Variants in SHISA6 observed in about 807,000 individuals in gnomAD.
SHISA6 encodes protein shisa-6.
SHISA6 carries 22 observed loss-of-function variants against 47.9 expected under a neutral mutation model. The ratio of observed to expected loss-of-function variants is 0.46; its 90% CI spans 0.33 to 0.66. The LOEUF (loss-of-function observed/expected upper bound fraction) is 0.66, where lower values mean the gene tolerates loss of function less well. SHISA6 is among the 30% of genes least tolerant of loss of function. The probability of loss-of-function intolerance (pLI) is 0.02; values close to 1 mark genes in which losing one functional copy is unlikely to be tolerated. For missense variants in SHISA6, 680 were observed against 764.6 expected, an observed-to-expected ratio of 0.89 and a Z score of 1.30; for synonymous variants, 388 against 337.8, an observed-to-expected ratio of 1.15 and a Z score of -1.63.
intron 5 of SHISA6, among the ~76,000 whole-genome samples, 157 bp downstream of exon 5, chr17:11,556,049 G>GCTTTTGTTCCTTATGGACTGAGCCCATT (rs1443967093): frequency 1.3e-5 from 2 of 152,140 alleles, no homozygotes; most frequent in Non-Finnish European, 2.9e-5. Flanking sequence ...CAAGCTCTTT[G>GCTTTTGTTCCTTATGGACTGAGCCCATT]CTTTTGTTCC....
intron 3 of SHISA6, among the ~76,000 whole-genome samples, chr17:11,540,224 C>T (rs1208473457): frequency 6.6e-6 from 1 of 152,174 alleles, no homozygotes; most frequent in Non-Finnish European, 1.5e-5. Context: ...GACTCTCCAC[C>T]CTTCTCAGTG....
At chr17:11,369,939 G>T (rs759600463) in intron 2 of SHISA6, among the ~76,000 whole-genome samples, 9 of 152,202 alleles carry the variant, frequency 5.9e-5, no homozygotes, top group Non-Finnish European at 1.3e-4. Context: ...TGTGCCCAGG[G>T]CTGGGAAATC....
intron 3 of SHISA6, among the ~76,000 whole-genome samples, chr17:11,471,859 C>A (rs745660340): frequency 6.6e-6 from 1 of 152,120 alleles, no homozygotes; most frequent in Non-Finnish European, 1.5e-5. Flanking sequence ...CTTCTACCCC[C>A]ACACATGCAT....
intron 1 of SHISA6, among the ~76,000 whole-genome samples, chr17:11,250,809 C>G (rs1907772269): frequency 6.6e-6 from 1 of 151,906 alleles, no homozygotes; most frequent in Admixed American, 6.6e-5. Context: ...TTACACAACC[C>G]CATCACTCAT....
intron 2 of SHISA6, among the ~76,000 whole-genome samples, chr17:11,294,624 G>A (rs1386027999): frequency 6.6e-6 from 1 of 152,068 alleles, no homozygotes; most frequent in East Asian, 1.9e-4. Context: ...GTTGATAACA[G>A]ATGAAACTAA....
chr17:11,423,547 G>T (rs1914520596), intron 3 of SHISA6, among the ~76,000 whole-genome samples: 1 of 151,514 alleles, frequency 6.6e-6, no homozygotes, highest in Non-Finnish European at 1.5e-5. Context: ...TATCATAAAA[G>T]AAATAATAAA....
At chr17:11,261,718 CTT>C in intron 1 of SHISA6, among the ~76,000 whole-genome samples, 1 of 152,270 alleles carries the variant, frequency 6.6e-6, no homozygotes, top group East Asian at 1.9e-4. Flanking sequence ...AGTTGATGGA[CTT>C]TTGGGTTGTA....
Position 11,241,770 on chromosome 17 carries a change from C to T in SHISA6, c.348C>T (p.Gly116=), listed in dbSNP as rs1158331052. 1 of 1,549,118 alleles carries T rather than the reference C, an allele frequency of 6.5e-7. No homozygotes were observed. Among genetic ancestry groups the T allele is most frequent in the Non-Finnish European group, 8.7e-7 (1 of 1,146,978 alleles). ...KEFECNNSES[G]YLYCCGTCYY... is the part of the protein sequence containing the mutation. ...TCGAGTGTAACAACAGCGAGAGCGGCTACCTGTACTGCTGCGGTACCTGCT... is the reference window on the plus strand; with the variant it reads ...TCGAGTGTAACAACAGCGAGAGCGGTTACCTGTACTGCTGCGGTACCTGCT... The change falls in exon 1 of 6, where the codon GGC becomes GGT. Residue 116 remains glycine, a synonymous_variant. Transcript: ENST00000441885. The surrounding 1 kb of genome is among the most constrained non-coding windows in gnomAD (Gnocchi z 5.5).
intron 2 of SHISA6, among the ~76,000 whole-genome samples, chr17:11,266,824 T>C (rs1908441966): frequency 1.3e-5 from 2 of 152,216 alleles, no homozygotes. Flanking sequence ...CAAGCCTTCC[T>C]GTGGTTGGCT....
chr17:11,376,311 G>GT (rs1016149109), intron 2 of SHISA6, among the ~76,000 whole-genome samples: 44 of 107,578 alleles, frequency 4.1e-4, no homozygotes, highest in East Asian at 2.4e-3. Context: ...GGGGCTTCAT[G>GT]TTTTTTTTTG....
chr17:11,484,739 C>T (rs918739717), intron 3 of SHISA6, among the ~76,000 whole-genome samples: 1 of 152,048 alleles, frequency 6.6e-6, no homozygotes, highest in African/African-American at 2.4e-5. Context: ...GAGAAAATTT[C>T]TAGGAAACTA....
intron 2 of SHISA6, among the ~76,000 whole-genome samples, chr17:11,311,061 T>C (rs1309085187): frequency 7.2e-6 from 1 of 138,202 alleles, no homozygotes; most frequent in Non-Finnish European, 1.5e-5. Context: ...GAGCTGAGAT[T>C]GCGCCACTGT....
At chr17:11,530,012 C>T (rs895177448) in intron 3 of SHISA6, among the ~76,000 whole-genome samples, 1 of 151,672 alleles carries the variant, frequency 6.6e-6, no homozygotes, top group Non-Finnish European at 1.5e-5. Context: ...TCCCCCAAAA[C>T]AAACAAAAAA....
At chr17:11,254,479 G>A (rs922000562) in intron 1 of SHISA6, among the ~76,000 whole-genome samples, 3 of 152,220 alleles carry the variant, frequency 2.0e-5, no homozygotes, top group African/African-American at 7.2e-5. Flanking sequence ...TTGTGAGGAT[G>A]CTGCTTTTAG....
intron 3 of SHISA6, among the ~76,000 whole-genome samples, chr17:11,441,835 G>T (rs554169931): frequency 6.6e-6 from 1 of 152,084 alleles, no homozygotes; most frequent in Non-Finnish European, 1.5e-5. Flanking sequence ...CTGACCCAGC[G>T]CTGCGAACTA....
chr17:11,443,045 T>C (rs896400132), intron 3 of SHISA6, among the ~76,000 whole-genome samples: 1 of 152,192 alleles, frequency 6.6e-6, no homozygotes, highest in African/African-American at 2.4e-5. Flanking sequence ...GGGCCAACGA[T>C]TACGCTGTCT....
Position 11,241,690 on chromosome 17 carries a change from A to T in SHISA6, c.268A>T (p.Thr90Ser). Reference sequence around the variant, plus strand: ...GGCGGCGGCGGCCAGCGCGGCCGTCACCTACGAGACGTGCTGGGGCTACTA... The same window carrying T: ...GGCGGCGGCGGCCAGCGCGGCCGTCTCCTACGAGACGTGCTGGGGCTACTA... ...AVAAAASAAV[T>S]YETCWGYYDV... The change falls in exon 1 of 6, where the codon ACC becomes TCC. Residue 90 changes from threonine to serine, a missense_variant. By Grantham distance (58) the Thr-to-Ser change is moderately conservative (BLOSUM62 1). Around this residue, in one of 2 missense-constraint regions of SHISA6, gnomAD observed 559 missense variants for 674.1 expected, o/e 0.83. Coordinates refer to ENST00000441885, the MANE Select transcript of SHISA6 (RefSeq NM_207386.4). The surrounding 1 kb of genome is among the most constrained non-coding windows in gnomAD (Gnocchi z 5.5). The T allele has an allele frequency of 1.3e-5, 19 of 1,508,262 alleles. No homozygotes were observed. Among genetic ancestry groups the T allele is most frequent in the Non-Finnish European group, 1.7e-5 (19 of 1,133,186 alleles). The allele number at this position is 1,508,262 out of a possible 1,614,324, so 93.4% of individuals were successfully genotyped here. A position where few individuals can be genotyped will look rare whatever the true frequency, so the allele number is the denominator to read the frequency against.
intron 3 of SHISA6, among the ~76,000 whole-genome samples, chr17:11,542,093 C>G (rs1011730725): frequency 6.6e-6 from 1 of 152,048 alleles, no homozygotes; most frequent in Non-Finnish European, 1.5e-5. Flanking sequence ...ACATTCTTGC[C>G]CAGAGCTGCT....
At chr17:11,298,189 G>C (rs1909813165) in intron 2 of SHISA6, among the ~76,000 whole-genome samples, 1 of 152,222 alleles carries the variant, frequency 6.6e-6, no homozygotes, top group Non-Finnish European at 1.5e-5. Context: ...AAGTGGTAGA[G>C]CTTGGACTTG....
Sources: allele counts gnomAD v4.1 joint callset (sites outside exome capture counted in the v4.1 genomes callset), GRCh38; gene constraint gnomAD v4.1.1; regional missense constraint gnomAD v4.1.1; non-coding constraint Gnocchi (gnomAD v3.1); transcripts MANE v1.5; gene names NCBI Gene and HGNC (gene_info 2026-07-23, HGNC 2026-07-21).